The following C1GALT1 variants were observed in gnomAD, a reference collection of about 807,000 sequenced individuals.
C1GALT1 encodes the protein glycoprotein-N-acetylgalactosamine 3-beta-galactosyltransferase 1.
Under a neutral mutation model 31.0 loss-of-function variants are expected in C1GALT1, and 11 were observed. The ratio of observed to expected loss-of-function variants is 0.36; its 90% CI spans 0.22 to 0.59. The LOEUF is 0.59. C1GALT1 is among the 20% of genes least tolerant of loss of function. The pLI is 0.79. For synonymous variants in C1GALT1, 175 were observed against 143.6 expected (o/e 1.22, Z -1.56); for missense variants, 424 against 425.2 (o/e 1.00, Z 0.03).
At chr7:7,196,294 A>G (rs569377516) in intron 1 of C1GALT1, among the ~76,000 whole-genome samples, 3 of 143,360 alleles carry the variant, frequency 2.1e-5, no homozygotes, top group South Asian at 4.3e-4. Context: ...ATTCCCACCT[A>G]TGAGTGAGAA....
intron 1 of C1GALT1, among the ~76,000 whole-genome samples, chr7:7,217,552 A>G (rs1027530171): frequency 9.2e-5 from 14 of 152,208 alleles, no homozygotes; most frequent in South Asian, 8.3e-4. Flanking sequence ...CTGATGGATT[A>G]TTTCATTTTT....
At position 7,238,344 on chromosome 7, in the gene C1GALT1, G is replaced by T. The variant is rs145917767; in HGVS notation, c.310G>T (p.Ala104Ser). ...MTGPQNLEKK[A>S]KHVKATWAQR... ...CGGCCCTCAAAACCTAGAGAAAAAG[G>T]CCAAACACGTCAAAGCTACTTGGGC... Residue 104 changes from alanine (A) to serine (S), a missense_variant, in exon 3 of 4, where the codon GCC (alanine) becomes TCC (serine). This residue lies in a region of C1GALT1 where 189 missense variants were observed against 158.2 expected (regional missense o/e 1.19). Transcript: ENST00000436587. This position sits in a 1 kb window ranked among gnomAD's most constrained non-coding sequence, Gnocchi z 5.2. 23 of 1,613,954 alleles carry T rather than the reference G, an allele frequency of 1.4e-5. No homozygotes were observed. The highest frequency in any genetic ancestry group is 1.9e-5 in the Non-Finnish European group (22 of 1,179,978).
chr7:7,202,402 T>C (rs1212752289), intron 1 of C1GALT1, among the ~76,000 whole-genome samples: 2 of 152,206 alleles, frequency 1.3e-5, no homozygotes, highest in African/African-American at 2.4e-5. Context: ...AGTTTTCATA[T>C]ATTGTGTTAT....
intron 2 of C1GALT1, among the ~76,000 whole-genome samples, chr7:7,176,822 A>G (rs774882332): frequency 6.6e-6 from 1 of 152,240 alleles, no homozygotes; most frequent in African/African-American, 2.4e-5. Flanking sequence ...AAAACTGTTT[A>G]GAAAATGTTC....
chr7:7,200,930 G>T (rs545270891), intron 1 of C1GALT1, among the ~76,000 whole-genome samples: 3 of 152,286 alleles, frequency 2.0e-5, no homozygotes, highest in Admixed American at 2.0e-4. Flanking sequence ...GCTTCTTTGC[G>T]ATGGGTTCGA....
At chr7:7,213,235 T>C (rs975002211) in intron 1 of C1GALT1, among the ~76,000 whole-genome samples, 1 of 152,202 alleles carries the variant, frequency 6.6e-6, no homozygotes, top group African/African-American at 2.4e-5. Flanking sequence ...ATAAACCGTC[T>C]TTTGAGAAGG....
intron 1 of C1GALT1, among the ~76,000 whole-genome samples, chr7:7,220,587 G>A (rs1371890112): frequency 6.6e-6 from 1 of 151,528 alleles, no homozygotes; most frequent in African/African-American, 2.4e-5. Flanking sequence ...GTGTGATCTC[G>A]GCTCACTGCA....
chr7:7,174,302 CA>C (rs1423535985), intron 2 of C1GALT1, among the ~76,000 whole-genome samples: 1 of 152,178 alleles, frequency 6.6e-6, no homozygotes, highest in Non-Finnish European at 1.5e-5. Context: ...CAAGTTCTGG[CA>C]ATTATTAATA....
intron 3 of C1GALT1, among the ~76,000 whole-genome samples, chr7:7,239,807 A>G (rs1459345406): frequency 1.3e-5 from 2 of 152,192 alleles, no homozygotes; most frequent in Non-Finnish European, 2.9e-5. Flanking sequence ...AGAAAATGCT[A>G]TAGTATTGTT....
At chr7:7,223,143 G>T (rs984638244) in intron 1 of C1GALT1, among the ~76,000 whole-genome samples, 2 of 151,828 alleles carry the variant, frequency 1.3e-5, no homozygotes, top group African/African-American at 4.8e-5. Flanking sequence ...CTGCTTTGTT[G>T]CATAATTATC....
chr7:7,162,063 ATTTCTTTTTTTT>A (rs1038112531), intron 2 of C1GALT1, among the ~76,000 whole-genome samples: 65 of 133,024 alleles, frequency 4.9e-4, no homozygotes, highest in African/African-American at 1.7e-3. Flanking sequence ...ATCTTTCTTC[ATTTCTTTTTTTT>A]TTTCTTTTTT....
intron 2 of C1GALT1, among the ~76,000 whole-genome samples, chr7:7,157,828 C>G (rs1227025435): frequency 6.6e-6 from 1 of 152,126 alleles, no homozygotes; most frequent in Admixed American, 6.6e-5. Context: ...CTGAACAATT[C>G]CTTCAATCAA....
At chr7:7,183,898 A>G (rs939794360) in intron 1 of C1GALT1, among the ~76,000 whole-genome samples, 1 of 152,234 alleles carries the variant, frequency 6.6e-6, no homozygotes, top group Admixed American at 6.5e-5. Flanking sequence ...GAATCAATGA[A>G]TAATTGGCCG....
chr7:7,214,605 A>G (rs539453643), intron 1 of C1GALT1, among the ~76,000 whole-genome samples: 3 of 152,316 alleles, frequency 2.0e-5, no homozygotes, highest in East Asian at 1.9e-4. Flanking sequence ...GGTGAAACCA[A>G]CAAGGCTTAA....
At chr7:7,204,127 T>G (rs552243767) in intron 1 of C1GALT1, among the ~76,000 whole-genome samples, 28 of 151,566 alleles carry the variant, frequency 1.8e-4, no homozygotes, top group Non-Finnish European at 2.7e-4. Context: ...TTGTTTTTTT[T>G]TTTGGAAAAG....
chr7:7,233,985 CAAAG>C (rs1783213494), intron 1 of C1GALT1, among the ~76,000 whole-genome samples: 1 of 151,928 alleles, frequency 6.6e-6, no homozygotes, highest in African/African-American at 2.4e-5. Flanking sequence ...GAGTTAACAG[CAAAG>C]AAAGAAAAAC....
intron 3 of C1GALT1, among the ~76,000 whole-genome samples, chr7:7,242,395 T>G (rs1164598654): frequency 6.6e-6 from 1 of 152,008 alleles, no homozygotes; most frequent in Non-Finnish European, 1.5e-5. Flanking sequence ...AGTGTGTGTT[T>G]CAAAGGAAAG....
At chr7:7,165,223 C>A (rs1444203831) in intron 2 of C1GALT1, among the ~76,000 whole-genome samples, 1 of 152,142 alleles carries the variant, frequency 6.6e-6, no homozygotes, top group Non-Finnish European at 1.5e-5. Context: ...TGTGCCCACC[C>A]ATCTGTGTTA....
rs1313304411 is a variant in C1GALT1 at position 7,242,243 on chromosome 7, G to A, written c.889-1281G>A. Among the ~76,000 whole-genome samples the A allele has an allele frequency of 3.4e-5, 5 of 146,738 alleles. No individual in the cohort carries two copies. In the Admixed American group the frequency reaches 3.4e-4, roughly 10 times the overall value. On this transcript the variant is annotated intron_variant, in intron 3 of 3. Transcript: ENST00000436587. ...TTTTTTTTTTTACATTTTTTATGTG[G>A]CTACTATATGGCTTACATATCTGTT...
Sources: gnomAD v4.1 joint callset for allele counts (sites outside exome capture counted in the v4.1 genomes callset) on GRCh38, gnomAD v4.1.1 for gene constraint, gnomAD v4.1.1 regional missense constraint, Gnocchi (gnomAD v3.1) non-coding constraint, MANE v1.5 for transcripts, NCBI Gene and HGNC (gene_info 2026-07-23, HGNC 2026-07-21) for gene names.